GTPBP2: variants seen among roughly 807,000 people sequenced by gnomAD.
GTPBP2 encodes the protein GTP binding protein 2.
A neutral mutation model predicts 63.0 loss-of-function variants in GTPBP2; 32 were observed. The ratio of observed to expected loss-of-function variants is 0.51; its 90% confidence interval spans 0.38 to 0.68. The LOEUF is 0.68. GTPBP2 is among the 30% of genes least tolerant of loss of function. The pLI is 0.00. For synonymous variants in GTPBP2, 310 were observed against 322.6 expected (o/e 0.96, Z 0.42); for missense variants, 492 against 796.9 (o/e 0.62, Z 4.61).
rs2078131174 is a variant in GTPBP2, at chr6:43,626,173, A to G, written c.398+53T>C. ...TCAGGCCCTAGGTAACTGGGTATGC[A>G]TGGGTCCCCCCAAGTCAGGTAAAGG... On this transcript the variant is annotated intron_variant, in intron 3 of 11. Transcript: ENST00000307126. The surrounding 1 kb of genome is among the most constrained non-coding windows in gnomAD (Gnocchi z 4.0). The G allele has an allele frequency of 6.5e-7, 1 of 1,544,240 alleles. No individual in the cohort carries two copies. The highest frequency in any genetic ancestry group is 1.7e-5 in the Admixed American group (1 of 58,914).
Position 43,624,070 on chromosome 6 carries a change from T to G in GTPBP2, c.1101-2A>C. The G allele has an allele frequency of 6.2e-7, 1 of 1,610,532 alleles. No individual in the cohort carries two copies. Among genetic ancestry groups the G allele is most frequent in the Non-Finnish European group, 8.5e-7 (1 of 1,177,942 alleles). ...GACAATGTGAAGATGGGGGTGACAC[T>G]GTAGAGGGAGGCATGGAATGGACAG... is the stretch of plus-strand genomic sequence containing the variant. On this transcript the variant is annotated splice_acceptor_variant, in intron 7 of 11. Transcript: ENST00000307126. LOFTEE classifies it high-confidence loss of function. The surrounding 1 kb of genome is among the most constrained non-coding windows in gnomAD (Gnocchi z 5.1).
Position 43,626,316 on chromosome 6 carries a change from T to C in GTPBP2, c.308A>G (p.Gln103Arg). 6.2e-7 allele frequency: 1 copy of C among 1,613,710 alleles called. No individual in the cohort carries two copies. Among genetic ancestry groups the C allele is most frequent in the Non-Finnish European group, 8.5e-7 (1 of 1,179,560 alleles). Residue 103 changes from glutamine (Q) to arginine (R), a missense_variant, in exon 3 of 12, where the codon CAG (glutamine) becomes CGG (arginine). Gln to Arg is a conservative substitution (Grantham distance 43, BLOSUM62 1). Around this residue, in one of 2 missense-constraint regions of GTPBP2, gnomAD observed 400 missense variants for 710.8 expected, o/e 0.56. Coordinates refer to ENST00000307126, the MANE Select transcript of GTPBP2 (RefSeq NM_019096.5). The surrounding 1 kb of genome is among the most constrained non-coding windows in gnomAD (Gnocchi z 4.0). Reference sequence around the variant, plus strand: ...CAGCCCATTGTCCTCTACCCCAATCTGGTAGACGGCCTCACCACGTCCCTC... The same window carrying C: ...CAGCCCATTGTCCTCTACCCCAATCCGGTAGACGGCCTCACCACGTCCCTC... ...LQEGRGEAVY[Q>R]IGVEDNGLLV...
chr6:43,629,011 C>T lies in GTPBP2; in HGVS notation c.152G>A (p.Gly51Asp), dbSNP rs750851129. 7 of 1,613,650 alleles carry T rather than the reference C, an allele frequency of 4.3e-6. No homozygotes were observed. The highest frequency in any genetic ancestry group is 1.1e-5 in the South Asian group (1 of 91,046). ...GKKKNGRNRGGKANNPPYLPP... is the reference protein window; with the variant it reads ...GKKKNGRNRGDKANNPPYLPP... Reference sequence around the variant, plus strand: ...CAAATACGGGGGGTTGTTGGCTTTGCCCCCTCTGTTCCTTCCGTTCTTCTT... The same window carrying T: ...CAAATACGGGGGGTTGTTGGCTTTGTCCCCTCTGTTCCTTCCGTTCTTCTT... Residue 51 changes from glycine to aspartate, a missense_variant, in exon 1 of 12, where the codon GGC (glycine) becomes GAC (aspartate). Coordinates refer to ENST00000307126, the MANE Select transcript of GTPBP2 (RefSeq NM_019096.5).
At position 43,629,255 on chromosome 6, in the gene GTPBP2, T is replaced by C; in HGVS notation, c.-93A>G. 1.1e-6 allele frequency: 1 copy of C among 939,448 alleles called. No individual in the cohort carries two copies. The highest frequency in any genetic ancestry group is 3.6e-5 in the East Asian group (1 of 28,026). 58.2% of individuals were successfully genotyped at this position (939,448 alleles called of 1,614,324 possible). Reference sequence around the variant, plus strand: ...CTGCCACTGCCGTGTCCGGCCGGCCTGAGCAGAGTGGGGTGGGGCTCTGCA... The same window carrying C: ...CTGCCACTGCCGTGTCCGGCCGGCCCGAGCAGAGTGGGGTGGGGCTCTGCA... On this transcript the variant is annotated 5_prime_UTR_variant, in exon 1 of 12. Transcript: ENST00000307126.
Position 43,626,075 on chromosome 6 carries a change from A to G in GTPBP2, c.398+151T>C. Reference sequence around the variant, plus strand: ...GGAGCAAAACAGCCTAGGTCCAGTGAGGAGGGGACCAAAACACTAACCCTC... The same window carrying G: ...GGAGCAAAACAGCCTAGGTCCAGTGGGGAGGGGACCAAAACACTAACCCTC... On this transcript the variant is annotated intron_variant, in intron 3 of 11. Transcript: ENST00000307126. This position sits in a 1 kb window ranked among gnomAD's most constrained non-coding sequence, Gnocchi z 4.0. The G allele has an allele frequency of 1.3e-6, 1 of 782,890 alleles. No homozygotes were observed. Among genetic ancestry groups the G allele is most frequent in the East Asian group, 2.5e-5 (1 of 40,236 alleles). The allele number at this position is 782,890 out of a possible 1,614,324, so 48.5% of individuals were successfully genotyped here. A position where few individuals can be genotyped will look rare whatever the true frequency, so the allele number is the denominator to read the frequency against.
At position 43,627,298 on chromosome 6, in the gene GTPBP2, A is replaced by C. The variant is rs1039153423; in HGVS notation, c.187-350T>G. On this transcript the variant is annotated intron_variant, in intron 1 of 11. Transcript: ENST00000307126. ...TCAAACCTGCTTTTCCCAGAAGTCT[A>C]TGTCTCCTCTGTGCCCAGGCTGTTA... The C allele has an allele frequency of 2.1e-5, 23 of 1,083,306 alleles. No individual in the cohort carries two copies. The South Asian group carries it at 6.1e-4, about 29-fold the overall frequency. 67.1% of individuals were successfully genotyped at this position (1,083,306 alleles called of 1,614,324 possible).
Position 43,623,993 on chromosome 6 carries a change from C to T in GTPBP2, c.1176G>A (p.Leu392=). The T allele has an allele frequency of 6.2e-7, 1 of 1,614,052 alleles. No individual in the cohort carries two copies. Among genetic ancestry groups the T allele is most frequent in the East Asian group, 2.2e-5 (1 of 44,890 alleles). Residue 392 remains leucine (L), a synonymous_variant, in exon 8 of 12, where the codon CTG becomes CTA. Coordinates refer to ENST00000307126, the MANE Select transcript of GTPBP2 (RefSeq NM_019096.5). ...GCTCTTTGCTGTTGGTGAGTGGCGG[C>T]AGAATATTCAGAAAGACTTTGAGGA... ...LDLLKVFLNI[L]PPLTNSKEQE...
At chr6:43,627,899 TAATC>T (rs10561571) in intron 1 of GTPBP2, among the ~76,000 whole-genome samples, 17,748 of 152,120 alleles carry the variant, frequency 0.12, 2,292 homozygotes, top group African/African-American at 0.32. Flanking sequence ...AAAAACCTTT[TAATC>T]ATTTTTCTGG....
At chr6:43,629,666 G>T (rs1434478053), upstream of GTPBP2, 8 of 1,434,520 alleles carry the variant, frequency 5.6e-6, no homozygotes, top group East Asian at 2.0e-4. Flanking sequence ...CTAGACAACA[G>T]GTTTTGGACC....
chr6:43,629,871 T>A, upstream of GTPBP2: 1 of 1,393,896 alleles, frequency 7.2e-7, no homozygotes, highest in Non-Finnish European at 9.6e-7. Context: ...TAGTCACTGC[T>A]TTATTACCAG....
intron 1 of GTPBP2, chr6:43,628,379 AAAT>A (rs200182781): frequency 0.01 from 1,759 of 169,674 alleles, 35 homozygotes; most frequent in African/African-American, 0.04. Context: ...ATAAATAAAT[AAAT>A]AATAAAAAAA....
chr6:43,631,043 GT>G (rs1769899640), upstream of GTPBP2, among the ~76,000 whole-genome samples: 1 of 152,128 alleles, frequency 6.6e-6, no homozygotes, highest in African/African-American at 2.4e-5. Flanking sequence ...TTCAGACTTG[GT>G]AGAGTCCATG....
chr6:43,624,007 A>G lies in GTPBP2; in HGVS notation c.1162T>C (p.Phe388Leu). Residue 388 changes from phenylalanine (F) to leucine (L), a missense_variant, in exon 8 of 12, where the codon TTT becomes CTT. Transcript: ENST00000307126. This position sits in a 1 kb window ranked among gnomAD's most constrained non-coding sequence, Gnocchi z 5.1. ...SGESLDLLKV[F>L]LNILPPLTNS... ...GTGAGTGGCGGCAGAATATTCAGAA[A>G]GACTTTGAGGAGGTCCAGACTCTCT... 1 of 1,614,074 alleles carries G rather than the reference A, an allele frequency of 6.2e-7. No individual in the cohort carries two copies. The highest frequency in any genetic ancestry group is 8.5e-7 in the Non-Finnish European group (1 of 1,179,950).
intron 1 of GTPBP2, chr6:43,628,705 CCT>C (rs1042282055): frequency 1.4e-6 from 1 of 703,816 alleles, no homozygotes; most frequent in Admixed American, 2.1e-5. Flanking sequence ...CCTGGGATCC[CCT>C]TTCTCTACTT....
In GTPBP2 at chr6:43,626,482, T is replaced by A. The variant is rs1769351591; in HGVS notation, c.214-72A>T. On this transcript the variant is annotated intron_variant, in intron 2 of 11. Coordinates refer to ENST00000307126, the MANE Select transcript of GTPBP2 (RefSeq NM_019096.5). The surrounding 1 kb of genome is among the most constrained non-coding windows in gnomAD (Gnocchi z 4.0). The stretch of plus-strand genomic sequence containing the variant: ...CCAAACCTACATGGTCCCCACCTGT[T>A]CTGCTGCAAGGACCAGGACTTTCTC... 8.1e-7 allele frequency: 1 copy of A among 1,240,766 alleles called. No individual in the cohort carries two copies. The highest frequency in any genetic ancestry group is 1.3e-5 in the South Asian group (1 of 77,458). 76.9% of individuals were successfully genotyped at this position (1,240,766 alleles called of 1,614,324 possible).
Position 43,621,362 on chromosome 6 carries a change from T to G in GTPBP2, c.*252A>C. On this transcript the variant is annotated 3_prime_UTR_variant, in exon 12 of 12. Transcript: ENST00000307126. ...CAGACAGGCCACAGGGTTGCCAGGT[T>G]TGATGAGCCAACCAGGTGAGCACAC... 6.8e-7 allele frequency: 1 copy of G among 1,462,848 alleles called. No homozygotes were observed. The highest frequency in any genetic ancestry group is 9.2e-7 in the Non-Finnish European group (1 of 1,082,780). 90.6% of individuals were successfully genotyped at this position (1,462,848 alleles called of 1,614,324 possible).
Position 43,622,211 on chromosome 6 carries a change from A to C in GTPBP2, c.1468-44T>G. 1 of 1,562,800 alleles carries C rather than the reference A, an allele frequency of 6.4e-7. No homozygotes were observed. ...CAGGCCCAGGAAGGGCAGCTCTAAC[A>C]TCAGACTCTCCCTCCCCAGCCACCC... On this transcript the variant is annotated intron_variant, in intron 10 of 11. Coordinates refer to ENST00000307126, the MANE Select transcript of GTPBP2 (RefSeq NM_019096.5). This position sits in a 1 kb window ranked among gnomAD's most constrained non-coding sequence, Gnocchi z 5.4.
Position 43,625,582 on chromosome 6 carries a change from T to A in GTPBP2, c.508-22A>T, listed in dbSNP as rs773926387. The A allele has an allele frequency of 6.3e-7, 1 of 1,590,674 alleles. No homozygotes were observed. On this transcript the variant is annotated intron_variant, in intron 4 of 11. Coordinates refer to ENST00000307126, the MANE Select transcript of GTPBP2 (RefSeq NM_019096.5). This position sits in a 1 kb window ranked among gnomAD's most constrained non-coding sequence, Gnocchi z 5.1. ...GGAACTGTGGATGAATTGCCAGAGATAAGAACTCCAATCTCTCACCCCTCT... is the reference window on the plus strand; with the variant it reads ...GGAACTGTGGATGAATTGCCAGAGAAAAGAACTCCAATCTCTCACCCCTCT...
In GTPBP2 at chr6:43,626,402, C is replaced by T. The variant is rs1043398594; in HGVS notation, c.222G>A (p.Leu74=). The T allele has an allele frequency of 1.9e-6, 3 of 1,613,942 alleles. No individual in the cohort carries two copies. The highest frequency in any genetic ancestry group is 1.7e-6 in the Non-Finnish European group (2 of 1,179,844). The change falls in exon 3 of 12, where the codon CTG becomes CTA. Residue 74 remains leucine (L), a synonymous_variant. Transcript: ENST00000307126. The surrounding 1 kb of genome is among the most constrained non-coding windows in gnomAD (Gnocchi z 4.0). ...CAAAGCGGTACTGGGATGGATTCAC[C>T]AGCTTCAACTTAGGGCAAGTGGGGT... ...EDGNIEYKLK[L]VNPSQYRFEH...
Sources: gnomAD v4.1 joint callset for allele counts (sites outside exome capture counted in the v4.1 genomes callset) on GRCh38, gnomAD v4.1.1 for gene constraint, gnomAD v4.1.1 regional missense constraint, Gnocchi (gnomAD v3.1) non-coding constraint, MANE v1.5 for transcripts, NCBI Gene and HGNC (gene_info 2026-07-23, HGNC 2026-07-21) for gene names.